The following AGBL5 variants were observed in gnomAD, a reference collection of about 807,000 sequenced individuals.
The protein encoded by AGBL5 is cytosolic carboxypeptidase-like protein 5.
Under a neutral mutation model 88.0 loss-of-function variants are expected in AGBL5, and 51 were observed. The ratio of observed to expected loss-of-function variants is 0.58; its 90% confidence interval spans 0.46 to 0.73. The LOEUF (loss-of-function observed/expected upper bound fraction) is 0.73, where lower values mean the gene tolerates loss of function less well. Among genes scored for constraint, AGBL5 ranks in the 30% least tolerant of loss-of-function variants. AGBL5 has a pLI of 0.00. For synonymous variants in AGBL5, 446 were observed against 438.8 expected, an observed-to-expected ratio of 1.02 and a Z score of -0.21; for missense variants, 1,031 against 1,162.2, an observed-to-expected ratio of 0.89 and a Z score of 1.64.
intron 11 of AGBL5, chr2:27,062,571 CTAAG>C (rs1668766371): frequency 2.0e-5 from 3 of 152,116 alleles, no homozygotes; most frequent in African/African-American, 7.2e-5. Context: ...ACAGTCAGTA[CTAAG>C]TAATTCCTGG....
intron 1 of AGBL5, 58 bp from the exon 2 acceptor site, chr2:27,052,855 G>A (rs1013372628): frequency 2.8e-6 from 3 of 1,067,372 alleles, no homozygotes; most frequent in Non-Finnish European, 3.9e-6. Context: ...GAGATACCCA[G>A]AAAACTCTTC....
chr2:27,062,846 A>G (rs548598874), intron 11 of AGBL5: 1 of 152,408 alleles, frequency 6.6e-6, no homozygotes, highest in African/African-American at 2.4e-5. Context: ...TTGTGTACCT[A>G]GGTGGGTATG....
rs1241991941 is a variant in AGBL5, at chr2:27,069,561, C to G, written c.2356-12C>G. 3 of 1,611,848 alleles carry G rather than the reference C, an allele frequency of 1.9e-6. No individual in the cohort carries two copies. Among genetic ancestry groups the G allele is most frequent in the Admixed American group, 1.7e-5 (1 of 59,700 alleles). On this transcript the variant is annotated splice_polypyrimidine_tract_variant and intron_variant, in intron 13 of 14. Transcript: ENST00000360131. Reference sequence around the variant, plus strand: ...AGAATCCAGCCTCTTAGCGCAAACCCTGTCCACACAGGCTAGGCCCAGGTT... The same window carrying G: ...AGAATCCAGCCTCTTAGCGCAAACCGTGTCCACACAGGCTAGGCCCAGGTT...
In AGBL5 at chr2:27,069,715, T is replaced by C; in HGVS notation, c.2489+9T>C. On this transcript the variant is annotated intron_variant, in intron 14 of 14. Transcript: ENST00000360131. Reference sequence around the variant, plus strand: ...TGCTCTGCTACACCAGGGTGAGCACTTGGGTCCAGTCCCTCACACCACCCC... The same window carrying C: ...TGCTCTGCTACACCAGGGTGAGCACCTGGGTCCAGTCCCTCACACCACCCC... 1 of 1,611,594 alleles carries C rather than the reference T, an allele frequency of 6.2e-7. No homozygotes were observed. Among genetic ancestry groups the C allele is most frequent in the South Asian group, 1.1e-5 (1 of 91,014 alleles).
chr2:27,067,596 C>A lies in AGBL5; in HGVS notation c.2192C>A (p.Ser731Tyr), dbSNP rs1383170878. The stretch of plus-strand genomic sequence containing the variant: ...GCTCCTACTAGTTCTGGCCCAGCCT[C>A]CTCACACAAGCTGGGCTCCTGTCTA... ...SPAPTSSGPA[S>Y]SHKLGSCLLP... Residue 731 changes from serine to tyrosine, a missense_variant, in exon 12 of 15, where the codon TCC becomes TAC. Physicochemically the swap from Ser to Tyr is moderately radical, Grantham distance 144. Transcript: ENST00000360131. 1.2e-6 allele frequency: 2 copies of A among 1,613,932 alleles called. No homozygotes were observed. The highest frequency in any genetic ancestry group is 2.7e-5 in the African/African-American group (2 of 74,912).
At chr2:27,058,697 C>T (rs1442981917) in intron 10 of AGBL5, 95 bp downstream of exon 10, 10 of 1,348,824 alleles carry the variant, frequency 7.4e-6, no homozygotes, top group Admixed American at 4.1e-5. Context: ...TTCCATCCTC[C>T]TCAAAGTGCC....
chr2:27,057,544 T>G, intron 9 of AGBL5, 106 bp downstream of exon 9: 2 of 1,285,868 alleles, frequency 1.6e-6, no homozygotes, highest in Middle Eastern at 2.1e-4. Flanking sequence ...TATTCATCAC[T>G]ATGGCCGTCT....
In AGBL5 at chr2:27,059,492, C is replaced by T. The variant is rs201187077; in HGVS notation, c.2089+88C>T. The T allele has an allele frequency of 6.1e-5, 96 of 1,583,908 alleles. No individual in the cohort carries two copies. The East Asian group carries it at 2.1e-3, about 34-fold the overall frequency. On this transcript the variant is annotated intron_variant, in intron 11 of 14. Transcript: ENST00000360131. ...TAAGAGCTTGAAGATATACTGTTGG[C>T]CCAGGACCAAGGGGTGAATCAATAA...
chr2:27,068,101 T>A (rs1669085449), intron 12 of AGBL5, among the ~76,000 whole-genome samples: 1 of 152,184 alleles, frequency 6.6e-6, no homozygotes, highest in Admixed American at 6.5e-5. Context: ...CCCAGCTATA[T>A]AAAGAAAGGG....
chr2:27,061,361 G>A lies in AGBL5; in HGVS notation c.2089+1957G>A, dbSNP rs111817358. On this transcript the variant is annotated intron_variant, in intron 11 of 14. Transcript: ENST00000360131. ...AAGTGATTCTCCTGCCTCAGCCTCCGGAATAGCTGGGACTACAGGCAAACG... is the reference window on the plus strand; with the variant it reads ...AAGTGATTCTCCTGCCTCAGCCTCCAGAATAGCTGGGACTACAGGCAAACG... Among the ~76,000 whole-genome samples, 1,015 of 151,360 alleles carry A rather than the reference G, an allele frequency of 6.7e-3. 32 individuals carry two copies. The highest frequency in any genetic ancestry group is 0.052 in the Admixed American group (784 of 15,186).
chr2:27,050,819 T>C (rs370658042), upstream of AGBL5, among the ~76,000 whole-genome samples: 37 of 152,318 alleles, frequency 2.4e-4, no homozygotes, highest in African/African-American at 5.8e-4. Flanking sequence ...AGGACTGTAG[T>C]GGATAGGGCG....
At position 27,053,046 on chromosome 2, in the gene AGBL5, A is replaced by G. The variant is rs199584618; in HGVS notation, c.88A>G (p.Ser30Gly). The G allele has an allele frequency of 1.2e-4, 192 of 1,613,720 alleles. No homozygotes were observed. Among genetic ancestry groups the G allele is most frequent in the Non-Finnish European group, 1.5e-4 (175 of 1,179,892 alleles). The change falls in exon 2 of 15, where the codon AGT (serine) becomes GGT (glycine). Residue 30 changes from serine (S) to glycine (G), a missense_variant. By Grantham distance (56) the Ser-to-Gly change is moderately conservative. Around this residue, in one of 2 missense-constraint regions of AGBL5, gnomAD observed 540 missense variants for 678.2 expected, o/e 0.80. Coordinates refer to ENST00000360131, the MANE Select transcript of AGBL5 (RefSeq NM_021831.6). This position sits in a 1 kb window ranked among gnomAD's most constrained non-coding sequence, Gnocchi z 4.9. ...AHVEKVESLS[S>G]DGEGVGGGAS... Reference sequence around the variant, plus strand: ...CGTGGAGAAGGTGGAATCTTTGTCCAGTGATGGGGAAGGGGTAGGAGGTGG... The same window carrying G: ...CGTGGAGAAGGTGGAATCTTTGTCCGGTGATGGGGAAGGGGTAGGAGGTGG...
At chr2:27,065,191 G>A (rs567293329) in intron 11 of AGBL5, among the ~76,000 whole-genome samples, 8 of 152,286 alleles carry the variant, frequency 5.3e-5, no homozygotes, top group African/African-American at 1.7e-4. Context: ...TGGCATGCTG[G>A]CACCTCTGGT....
intron 7 of AGBL5, 38 bp downstream of exon 7, chr2:27,056,176 G>A: frequency 6.3e-7 from 1 of 1,588,962 alleles, no homozygotes; most frequent in Non-Finnish European, 8.6e-7. Context: ...TGTGAGAAGT[G>A]TTACAGGTTA....
intron 9 of AGBL5, among the ~76,000 whole-genome samples, chr2:27,057,813 T>A (rs138708743): frequency 2.0e-5 from 3 of 152,192 alleles, no homozygotes; most frequent in Non-Finnish European, 2.9e-5. Context: ...CGGTGGCTCA[T>A]GCCTATAATC....
At chr2:27,067,069 C>T (rs756208814) in intron 11 of AGBL5, among the ~76,000 whole-genome samples, 6 of 151,574 alleles carry the variant, frequency 4.0e-5, no homozygotes, top group Non-Finnish European at 8.8e-5. Flanking sequence ...GGCAACAAAG[C>T]GAGACTCTGT....
At chr2:27,056,222 G>A (rs987058821) in intron 7 of AGBL5, 84 bp downstream of exon 7, 6 of 1,430,044 alleles carry the variant, frequency 4.2e-6, no homozygotes, top group African/African-American at 1.4e-5. Context: ...AAGGAAGATA[G>A]CCTTAGGTAG....
intron 7 of AGBL5, 85 bp downstream of exon 7, chr2:27,056,223 C>A: frequency 1.4e-6 from 2 of 1,427,634 alleles, no homozygotes; most frequent in Non-Finnish European, 1.9e-6. Flanking sequence ...AGGAAGATAG[C>A]CTTAGGTAGC....
intron 12 of AGBL5, among the ~76,000 whole-genome samples, chr2:27,068,179 G>C (rs1669089901): frequency 6.6e-6 from 1 of 152,166 alleles, no homozygotes; most frequent in Non-Finnish European, 1.5e-5. Flanking sequence ...CTCCCAACCT[G>C]TCAACTCTCC....
Sources: allele counts gnomAD v4.1 joint callset (sites outside exome capture counted in the v4.1 genomes callset), GRCh38; gene constraint gnomAD v4.1.1; regional missense constraint gnomAD v4.1.1; non-coding constraint Gnocchi (gnomAD v3.1); transcripts MANE v1.5; gene names NCBI Gene and HGNC (gene_info 2026-07-23, HGNC 2026-07-21).